NR4A1: variants seen among roughly 807,000 people sequenced by gnomAD.
NR4A1 encodes nuclear receptor subfamily 4 group A member 1.
A neutral mutation model predicts 47.5 loss-of-function variants in NR4A1; 24 were observed. The ratio of observed to expected loss-of-function variants is 0.50; its 90% CI spans 0.37 to 0.71. The LOEUF (loss-of-function observed/expected upper bound fraction) is 0.71. NR4A1 is among the 30% of genes least tolerant of loss of function. NR4A1 has a pLI of 0.00. For missense variants in NR4A1, 669 were observed against 788.6 expected, an observed-to-expected ratio of 0.85 and a Z score of 1.82; for synonymous variants, 353 against 345.7, an observed-to-expected ratio of 1.02 and a Z score of -0.24.
At chr12:52,025,287 C>G (rs914646633) in intron 1 of NR4A1, among the ~76,000 whole-genome samples, 6 of 152,130 alleles carry the variant, frequency 3.9e-5, no homozygotes, top group Admixed American at 3.3e-4. Context: ...TCTCGAACTC[C>G]TGACCTCAGG....
rs372957416 is a variant in NR4A1 at position 52,031,985 on chromosome 12, G to C, written c.-84+9046G>C. Among the ~76,000 whole-genome samples, 37 of 152,044 alleles carry C rather than the reference G, an allele frequency of 2.4e-4. No homozygotes were observed. The East Asian group carries it at 6.6e-3, about 27-fold the overall frequency. Reference sequence around the variant, plus strand: ...CTAATTTTGTATTTTTAGTAGAGACGGGGTTTCACCATGTTGGTCAGGCAG... The same window carrying C: ...CTAATTTTGTATTTTTAGTAGAGACCGGGTTTCACCATGTTGGTCAGGCAG... On this transcript the variant is annotated intron_variant, in intron 1 of 7. Transcript: ENST00000360284.
chr12:52,057,802 G>C (rs1375908616), intron 6 of NR4A1, among the ~76,000 whole-genome samples: 4 of 152,194 alleles, frequency 2.6e-5, no homozygotes, highest in Non-Finnish European at 5.9e-5. Flanking sequence ...TAGGGTATTG[G>C]CTTGTTTTTA....
intron 2 of NR4A1, chr12:52,042,068 G>C (rs1938461769): frequency 2.0e-6 from 2 of 991,642 alleles, no homozygotes; most frequent in East Asian, 6.5e-5. Context: ...CCGAGGTGCT[G>C]TTCAGTGTGC....
upstream of NR4A1, among the ~76,000 whole-genome samples, chr12:52,049,294 G>A (rs1938802420): frequency 6.6e-6 from 1 of 152,192 alleles, no homozygotes; most frequent in Non-Finnish European, 1.5e-5. Flanking sequence ...ATCCCCATAT[G>A]AGTGGACCTA....
At chr12:52,032,579 C>T (rs559951946) in intron 1 of NR4A1, among the ~76,000 whole-genome samples, 2 of 152,338 alleles carry the variant, frequency 1.3e-5, no homozygotes, top group South Asian at 4.1e-4. Flanking sequence ...TTCATCTCTC[C>T]TACTTGGCTG....
exon 2 of NR4A1, chr12:52,041,858 G>A: frequency 6.6e-7 from 1 of 1,522,752 alleles, no homozygotes; most frequent in South Asian, 1.3e-5. Context: ...AGGCAGCCTG[G>A]CTCCTTCTGC....
chr12:52,026,275 C>G (rs1937997988), intron 1 of NR4A1, among the ~76,000 whole-genome samples: 1 of 151,998 alleles, frequency 6.6e-6, no homozygotes, highest in South Asian at 2.1e-4. Context: ...TGACAACAAA[C>G]GAGGGGAGAA....
chr12:52,040,161 C>T (rs141356520), intron 1 of NR4A1, among the ~76,000 whole-genome samples: 3,380 of 152,248 alleles, frequency 0.022, 50 homozygotes, highest in South Asian at 0.056. Flanking sequence ...TCCTGTTGTT[C>T]GGGGCACACT....
intron 1 of NR4A1, chr12:52,038,162 T>A (rs2120951213): frequency 1.3e-6 from 1 of 756,806 alleles, no homozygotes; most frequent in South Asian, 5.9e-5. Flanking sequence ...TCTCCCGGGT[T>A]CAAGCGAATC....
chr12:52,047,599 C>T (rs1336976127), upstream of NR4A1, among the ~76,000 whole-genome samples: 4 of 152,250 alleles, frequency 2.6e-5, no homozygotes, highest in African/African-American at 4.8e-5. Context: ...TTATCCTCCT[C>T]CAGGCTTTGG....
rs758299423 is a variant in NR4A1 at position 52,058,725 on chromosome 12, G to A, written c.1578G>A (p.Glu526=). The A allele has an allele frequency of 1.2e-6, 2 of 1,609,512 alleles. No homozygotes were observed. Among genetic ancestry groups the A allele is most frequent in the Non-Finnish European group, 1.7e-6 (2 of 1,178,526 alleles). ...HGLQEPRRVE[E]LQNRIASCLK... ...TGCAGGAGCCGCGGCGGGTGGAGGAGCTGCAGAACCGCATCGCCAGCTGCC... is the reference window on the plus strand; with the variant it reads ...TGCAGGAGCCGCGGCGGGTGGAGGAACTGCAGAACCGCATCGCCAGCTGCC... The change falls in exon 7 of 7, where the codon GAG becomes GAA. Residue 526 remains glutamate, a synonymous_variant. Transcript: ENST00000394825.
intron 1 of NR4A1, among the ~76,000 whole-genome samples, chr12:52,032,505 G>C (rs767599597): frequency 6.6e-6 from 1 of 152,192 alleles, no homozygotes; most frequent in Non-Finnish European, 1.5e-5. Flanking sequence ...TATTGGTTCT[G>C]TTTCTCTGGA....
intron 1 of NR4A1, among the ~76,000 whole-genome samples, chr12:52,033,856 C>G (rs965999273): frequency 6.6e-6 from 1 of 152,348 alleles, no homozygotes; most frequent in East Asian, 1.9e-4. Flanking sequence ...AGCCCCTCTC[C>G]TTATTCAGGG....
rs898982530 is a variant in NR4A1 at position 52,056,230 on chromosome 12, G to A, written c.1006+71G>A. The A allele has an allele frequency of 8.6e-6, 13 of 1,516,670 alleles. No individual in the cohort carries two copies. In the Admixed American group the frequency reaches 2.9e-4, roughly 34 times the overall value. The allele number at this position is 1,516,670 out of a possible 1,614,324, so 94.0% of individuals were successfully genotyped here. A position where few individuals can be genotyped will look rare whatever the true frequency, so the allele number is the denominator to read the frequency against. ...TGGAGTGGGACCAGCAGGGCCCCCA[G>A]GCTTCTGCCCTGGAGGACCCAGAGG... On this transcript the variant is annotated intron_variant, in intron 3 of 6. Coordinates refer to ENST00000394825, the MANE Select transcript of NR4A1 (RefSeq NM_173157.3).
chr12:52,036,308 ACT>A (rs1222264368), intron 1 of NR4A1, among the ~76,000 whole-genome samples: 1 of 151,124 alleles, frequency 6.6e-6, no homozygotes, highest in African/African-American at 2.4e-5. Context: ...GGGCCTGAAG[ACT>A]CTGGTCAGAG....
chr12:52,023,803 C>T (rs1937941777), intron 1 of NR4A1, among the ~76,000 whole-genome samples: 1 of 152,320 alleles, frequency 6.6e-6, no homozygotes, highest in African/African-American at 2.4e-5. Flanking sequence ...GCTGTGGCTC[C>T]CCGCTGCAAA....
intron 1 of NR4A1, among the ~76,000 whole-genome samples, chr12:52,034,651 G>A (rs1592282412): frequency 6.6e-6 from 1 of 152,314 alleles, no homozygotes; most frequent in African/African-American, 2.4e-5. Context: ...GGTTCTGGCT[G>A]GGCAACTCAC....
In NR4A1 at chr12:52,052,304, T is replaced by TGA. The variant is rs1555168682; in HGVS notation, c.-3+759_-3+760dup. 1.7e-3 allele frequency among the ~76,000 whole-genome samples: 118 copies of TGA among 70,638 alleles called. 1 individual carries two copies. Among genetic ancestry groups the TGA allele is most frequent in the East Asian group, 2.7e-3 (6 of 2,194 alleles). The allele number at this position is 70,638 out of a possible 152,430, so 46.3% of individuals were successfully genotyped here. ...GTGTGTGTGTGTGTGTGTGTGTGTG[T>TGA]GAGAGAGAGAGAGAGAGAGAGAGAA... On this transcript the variant is annotated intron_variant, in intron 1 of 6. Transcript: ENST00000394825.
At chr12:52,048,380 G>A (rs576100425), upstream of NR4A1, among the ~76,000 whole-genome samples, 1 of 151,966 alleles carries the variant, frequency 6.6e-6, no homozygotes, top group Admixed American at 6.5e-5. Context: ...AGATCACAAG[G>A]TCAGGAGATC....
Sources: allele counts gnomAD v4.1 joint callset (sites outside exome capture counted in the v4.1 genomes callset), GRCh38; gene constraint gnomAD v4.1.1; transcripts MANE v1.5; gene names NCBI Gene and HGNC (gene_info 2026-07-23, HGNC 2026-07-21).